Variants in LCOR observed in about 807,000 individuals in gnomAD.
LCOR encodes the protein ligand dependent nuclear receptor corepressor.
Under a neutral mutation model 64.4 loss-of-function variants are expected in LCOR, and 14 were observed. That is an observed-to-expected ratio of 0.22 (90% confidence interval 0.14 to 0.34). The LOEUF is 0.34. Among genes scored for constraint, LCOR ranks in the 10% least tolerant of loss-of-function variants. The pLI is 1.00. For synonymous variants in LCOR, 643 were observed against 642.5 expected, an observed-to-expected ratio of 1.00 and a Z score of -0.01; for missense variants, 1,686 against 1,765.3, an observed-to-expected ratio of 0.96 and a Z score of 0.80.
intron 2 of LCOR, among the ~76,000 whole-genome samples, chr10:96,880,881 A>G (rs555973518): frequency 6.6e-6 from 1 of 152,380 alleles, no homozygotes; most frequent in East Asian, 1.9e-4. Flanking sequence ...ACGTAGGTGA[A>G]CCACTGAACG....
chr10:96,899,152 TTTTGA>T (rs1164526883), intron 2 of LCOR, among the ~76,000 whole-genome samples: 6 of 152,058 alleles, frequency 3.9e-5, no homozygotes, highest in Admixed American at 3.9e-4. Context: ...AGTAAAATGA[TTTTGA>T]TTTGGTGGGC....
intron 2 of LCOR, among the ~76,000 whole-genome samples, chr10:96,859,482 G>GT (rs1845853931): frequency 6.6e-6 from 1 of 151,944 alleles, no homozygotes; most frequent in African/African-American, 2.4e-5. Context: ...AAAGTGCTAG[G>GT]ATTATAGGTG....
intron 2 of LCOR, among the ~76,000 whole-genome samples, chr10:96,849,689 C>T (rs1347469326): frequency 6.6e-6 from 1 of 152,100 alleles, no homozygotes; most frequent in Admixed American, 6.5e-5. Context: ...GAAAAAACAT[C>T]CTCCCGGTGC....
intron 2 of LCOR, among the ~76,000 whole-genome samples, chr10:96,889,475 TTCTCACTTTAACCCCACACAGCCGTTTC>T (rs1229974047): frequency 5.9e-5 from 9 of 152,228 alleles, no homozygotes; most frequent in African/African-American, 2.2e-4. Context: ...GGTAGCTACC[TTCTCACTTTAACCCCACACAGCCGTTTC>T]TCTGTGCTCA....
chr10:96,923,668 CTATT>C (rs1294561160), intron 4 of LCOR, among the ~76,000 whole-genome samples: 4 of 152,186 alleles, frequency 2.6e-5, no homozygotes, highest in African/African-American at 7.2e-5. Context: ...ACCATATTAA[CTATT>C]TATTGCCTTA....
intron 7 of LCOR, chr10:96,957,054 A>G: frequency 3.0e-6 from 3 of 985,378 alleles, no homozygotes; most frequent in South Asian, 4.7e-5. Context: ...AGGTAACCCG[A>G]TATGATTTAG....
intron 2 of LCOR, among the ~76,000 whole-genome samples, chr10:96,891,530 CTTTTTTTTTTTTTTTTTTTT>C (rs71007307): frequency 2.6e-4 from 2 of 7,644 alleles, no homozygotes; most frequent in Non-Finnish European, 4.7e-4. Flanking sequence ...TGTCTTGACT[CTTTTTTTTTTTTTTTTTTTT>C]TTTTTTTTTT....
chr10:96,963,208 A>G (rs1290754322), intron 7 of LCOR: 1 of 150,914 alleles, frequency 6.6e-6, no homozygotes, highest in Non-Finnish European at 1.5e-5. Flanking sequence ...TCCTGTTAAC[A>G]GTGTATTTTT....
At chr10:96,941,629 C>T (rs1290359246) in intron 4 of LCOR, among the ~76,000 whole-genome samples, 1 of 149,808 alleles carries the variant, frequency 6.7e-6, no homozygotes, top group African/African-American at 2.5e-5. Context: ...GGCGGAGGGG[C>T]TCCTCACTTC....
chr10:96,921,286 C>A (rs965330592), intron 4 of LCOR, among the ~76,000 whole-genome samples: 7 of 151,634 alleles, frequency 4.6e-5, no homozygotes, highest in Non-Finnish European at 8.8e-5. Context: ...GTTGTCTGTT[C>A]TTTTGGAGTT....
At chr10:96,969,759 CTTTCTTTTTTT>C (rs1203622682) in intron 7 of LCOR, among the ~76,000 whole-genome samples, 10 of 138,450 alleles carry the variant, frequency 7.2e-5, no homozygotes, top group South Asian at 2.3e-4. Context: ...CAACAATTTT[CTTTCTTTTTTT>C]TTTCTTTTTT....
intron 5 of LCOR, among the ~76,000 whole-genome samples, chr10:96,944,453 A>G (rs1046777522): frequency 6.6e-6 from 1 of 152,176 alleles, no homozygotes; most frequent in Admixed American, 6.5e-5. Context: ...TGTGATGGTG[A>G]GTTTTAATTA....
At chr10:96,877,713 G>C (rs968474151) in intron 2 of LCOR, among the ~76,000 whole-genome samples, 1 of 133,970 alleles carries the variant, frequency 7.5e-6, no homozygotes, top group African/African-American at 2.8e-5. Context: ...CCGGGTTCAC[G>C]CCATTCTCCT....
At chr10:96,854,306 A>G (rs1294965350) in intron 2 of LCOR, among the ~76,000 whole-genome samples, 3 of 152,162 alleles carry the variant, frequency 2.0e-5, no homozygotes, top group East Asian at 1.9e-4. Flanking sequence ...GCCATTTACA[A>G]TCTACATCAG....
chr10:96,942,952 A>T (rs1282640296), intron 4 of LCOR, among the ~76,000 whole-genome samples: 3 of 152,184 alleles, frequency 2.0e-5, no homozygotes, highest in African/African-American at 7.2e-5. Flanking sequence ...ATTTTCTGTT[A>T]TTGTAAGATA....
Position 96,910,874 on chromosome 10 carries a change from A to G in LCOR, c.-184+3127A>G, listed in dbSNP as rs1846818844. On this transcript the variant is annotated intron_variant, in intron 4 of 7. Coordinates refer to ENST00000421806, the MANE Select transcript of LCOR (RefSeq NM_001346516.2). ...AGTAAATACTAACTCTGTAGAATGG[A>G]TAAAGCAAATACATTATTTATATTT... Among the ~76,000 whole-genome samples, 3 of 152,332 alleles carry G rather than the reference A, an allele frequency of 2.0e-5. No individual in the cohort carries two copies. In the South Asian group the frequency reaches 6.2e-4, roughly 32 times the overall value.
intron 7 of LCOR, among the ~76,000 whole-genome samples, chr10:96,976,961 CAT>C (rs1848044984): frequency 6.6e-6 from 1 of 152,166 alleles, no homozygotes; most frequent in African/African-American, 2.4e-5. Flanking sequence ...AATTAGATGC[CAT>C]AATATTTCTT....
chr10:96,869,609 C>T (rs1846037648), intron 2 of LCOR, among the ~76,000 whole-genome samples: 2 of 145,772 alleles, frequency 1.4e-5, no homozygotes, highest in African/African-American at 2.6e-5. Context: ...GAGTCTTGCT[C>T]TGTTGCCCAA....
At chr10:96,893,930 T>G (rs1846492979) in intron 2 of LCOR, among the ~76,000 whole-genome samples, 1 of 152,076 alleles carries the variant, frequency 6.6e-6, no homozygotes, top group Admixed American at 6.6e-5. Flanking sequence ...GAATGTAAAA[T>G]TCAGTTGGAT....
Sources: gnomAD v4.1 joint callset for allele counts (sites outside exome capture counted in the v4.1 genomes callset) on GRCh38, gnomAD v4.1.1 for gene constraint, MANE v1.5 for transcripts, NCBI Gene and HGNC (gene_info 2026-07-23, HGNC 2026-07-21) for gene names.